The following IL5 variants were observed in gnomAD, a reference collection of about 807,000 sequenced individuals.
The protein encoded by IL5 is interleukin 5, also known as interleukin-5.
A neutral mutation model predicts 16.3 loss-of-function variants in IL5; 12 were observed. The observed-to-expected ratio is 0.74, with a 90% CI of 0.47 to 1.20. IL5 has a LOEUF of 1.20. Among genes scored for constraint, IL5 ranks in the 50% most tolerant of loss-of-function variants. The pLI, the probability that IL5 is intolerant of heterozygous loss-of-function variation, is 0.00. For synonymous variants in IL5, 54 were observed against 56.6 expected (o/e 0.95, Z 0.21); for missense variants, 159 against 153.9 (o/e 1.03, Z -0.17).
intron 1 of IL5, among the ~76,000 whole-genome samples, chr5:132,555,082 A>G (rs1580972057): frequency 6.6e-6 from 1 of 152,114 alleles, no homozygotes; most frequent in Non-Finnish European, 1.5e-5. Flanking sequence ...AGTTCAAAAT[A>G]CGGTTTGTGC....
At chr5:132,543,165 C>G in intron 1 of IL5, 39 bp from the exon 2 acceptor site, 1 of 1,580,088 alleles carries the variant, frequency 6.3e-7, no homozygotes, top group South Asian at 1.1e-5. Flanking sequence ...TTACAGCACA[C>G]CAGCATTCAT....
At chr5:132,556,284 C>T (rs1481129484) in intron 1 of IL5, 1 of 152,160 alleles carries the variant, frequency 6.6e-6, no homozygotes, top group Admixed American at 6.5e-5. Context: ...AAGCAATATT[C>T]TCAGTTACTT....
chr5:132,555,172 A>T (rs1411503323), intron 1 of IL5, among the ~76,000 whole-genome samples: 2 of 152,148 alleles, frequency 1.3e-5, no homozygotes, highest in Admixed American at 6.5e-5. Flanking sequence ...CTCACCTCCT[A>T]CTGTGCCACC....
At chr5:132,553,833 A>T (rs1052854355) in intron 1 of IL5, among the ~76,000 whole-genome samples, 12 of 150,442 alleles carry the variant, frequency 8.0e-5, no homozygotes, top group African/African-American at 2.7e-4. Context: ...TACAGTCCTC[A>T]GAGGCTGAGG....
At chr5:132,542,341 T>C (rs1246998782) in intron 2 of IL5, among the ~76,000 whole-genome samples, 198 bp from the exon 3 acceptor site, 4 of 152,172 alleles carry the variant, frequency 2.6e-5, no homozygotes, top group African/African-American at 9.7e-5. Flanking sequence ...TTTGTGGTAT[T>C]TACATGAGTT....
At chr5:132,552,558 T>C (rs185394211) in intron 1 of IL5, among the ~76,000 whole-genome samples, 9 of 152,322 alleles carry the variant, frequency 5.9e-5, no homozygotes, top group African/African-American at 1.9e-4. Flanking sequence ...TTTTTTGTAA[T>C]GGAACCTGGT....
chr5:132,555,482 T>C (rs985379678), intron 1 of IL5, among the ~76,000 whole-genome samples: 29 of 152,212 alleles, frequency 1.9e-4, no homozygotes, highest in African/African-American at 7.0e-4. Context: ...TGTACGTGAG[T>C]ATACTTAACA....
At chr5:132,554,442 T>A (rs559427900) in intron 1 of IL5, among the ~76,000 whole-genome samples, 5 of 149,858 alleles carry the variant, frequency 3.3e-5, no homozygotes, top group African/African-American at 9.8e-5. Flanking sequence ...AATAAACACA[T>A]GAAATGATGC....
rs533202387 is a variant in IL5 at position 132,552,238 on chromosome 5, C to T, written c.42+4436G>A. Among the ~76,000 whole-genome samples the T allele has an allele frequency of 4.5e-4, 68 of 152,192 alleles. No homozygotes were observed. The South Asian group carries it at 0.014, about 30-fold the overall frequency. The stretch of plus-strand genomic sequence containing the variant: ...GAGCCGAGATTGCGCCACTGCACTC[C>T]AGCCTGGCAACAGAGCGAGACTCTG... On this transcript the variant is annotated intron_variant, in intron 1 of 2. Coordinates refer to the IL5 transcript ENST00000450655.
upstream of IL5, among the ~76,000 whole-genome samples, chr5:132,545,718 C>T (rs1337785591): frequency 6.6e-6 from 1 of 152,136 alleles, no homozygotes; most frequent in Non-Finnish European, 1.5e-5. Context: ...AGGTGACACA[C>T]CTGGGCTCAC....
At chr5:132,546,140 G>C (rs910194456), upstream of IL5, among the ~76,000 whole-genome samples, 2 of 152,068 alleles carry the variant, frequency 1.3e-5, no homozygotes, top group African/African-American at 4.8e-5. Flanking sequence ...ATTTCTTTTA[G>C]AAATGTTTAA....
intron 1 of IL5, among the ~76,000 whole-genome samples, chr5:132,551,506 T>C (rs985755304): frequency 6.6e-6 from 1 of 152,032 alleles, no homozygotes; most frequent in Non-Finnish European, 1.5e-5. Flanking sequence ...GCATGTGAGG[T>C]GAATTGGCAT....
At chr5:132,542,256 A>AAT in intron 2 of IL5, 113 bp from the exon 3 acceptor site, 1 of 548,234 alleles carries the variant, frequency 1.8e-6, no homozygotes, top group Non-Finnish European at 3.1e-6. Flanking sequence ...GTACACAATA[A>AAT]ATATATATAC....
upstream of IL5, among the ~76,000 whole-genome samples, chr5:132,546,010 C>A (rs1749780714): frequency 6.6e-6 from 1 of 152,146 alleles, no homozygotes; most frequent in South Asian, 2.1e-4. Context: ...TATATAATCT[C>A]TGGATTTTTC....
chr5:132,552,431 C>T (rs1053791963), intron 1 of IL5, among the ~76,000 whole-genome samples: 1 of 152,296 alleles, frequency 6.6e-6, no homozygotes, highest in East Asian at 1.9e-4. Context: ...GAAGTGGAGA[C>T]TTCACTGATT....
Position 132,543,397 on chromosome 5 carries a change from C to A in IL5, c.82G>T (p.Ala28Ser). 1.2e-6 allele frequency: 2 copies of A among 1,614,208 alleles called. No individual in the cohort carries two copies. Among genetic ancestry groups the A allele is most frequent in the Non-Finnish European group, 1.7e-6 (2 of 1,180,032 alleles). Reference protein sequence around the residue: ...YAIPTEIPTSALVKETLALLS... With the variant: ...YAIPTEIPTSSLVKETLALLS... ...AGTGCCAAGGTCTCTTTCACCAATG[C>A]ACTTGTGGGAATTTCTGTGGGGATG... is the stretch of plus-strand genomic sequence containing the variant. Residue 28 changes from alanine to serine, a missense_variant, in exon 1 of 4, where the codon GCA becomes TCA. Coordinates refer to ENST00000231454, the MANE Select transcript of IL5 (RefSeq NM_000879.3).
intron 1 of IL5, among the ~76,000 whole-genome samples, chr5:132,553,658 C>T (rs1031371791): frequency 2.6e-5 from 4 of 152,154 alleles, no homozygotes; most frequent in African/African-American, 2.4e-5. Context: ...TGGTGGTGGC[C>T]GGGCACGCTG....
chr5:132,556,610 T>C, intron 1 of IL5: 1 of 1,057,972 alleles, frequency 9.5e-7, no homozygotes, highest in Non-Finnish European at 1.2e-6. Context: ...TCACTGGAAA[T>C]TACTACACGA....
rs551489333 is a variant in IL5, at chr5:132,553,887, T to C, written c.42+2787A>G. Among the ~76,000 whole-genome samples, 11 of 133,562 alleles carry C rather than the reference T, an allele frequency of 8.2e-5. No homozygotes were observed. The South Asian group carries it at 9.1e-4, about 11-fold the overall frequency. 87.6% of individuals were successfully genotyped at this position (133,562 alleles called of 152,430 possible). On this transcript the variant is annotated intron_variant, in intron 1 of 2. Transcript: ENST00000450655. ...CCGGGAGGCGGAGCTTCCAGTGAGC[T>C]GAGATCGCGCCACTGCACTCCAACC...
Sources: allele counts gnomAD v4.1 joint callset (sites outside exome capture counted in the v4.1 genomes callset), GRCh38; gene constraint gnomAD v4.1.1; transcripts MANE v1.5; gene names NCBI Gene and HGNC (gene_info 2026-07-23, HGNC 2026-07-21).